The following IQCM variants were observed in gnomAD, a reference collection of about 807,000 sequenced individuals.
The protein encoded by IQCM is IQ motif containing M, also known as IQ domain-containing protein M.
IQCM carries 45 observed loss-of-function variants against 57.6 expected under a neutral mutation model. That is an observed-to-expected ratio of 0.78 (90% CI 0.62 to 1.00). The LOEUF is 1.00. Among genes scored for constraint, IQCM ranks in the 50% least tolerant of loss-of-function variants. The pLI is 0.00. For synonymous variants in IQCM, 148 were observed against 158.9 expected (o/e 0.93, Z 0.51); for missense variants, 468 against 511.6 (o/e 0.91, Z 0.82).
At chr4:149,557,651 C>T (rs1022427900) in intron 10 of IQCM, among the ~76,000 whole-genome samples, 1 of 152,126 alleles carries the variant, frequency 6.6e-6, no homozygotes, top group Non-Finnish European at 1.5e-5. Context: ...TAGTTTATTG[C>T]AACCCCAACT....
At position 149,735,399 on chromosome 4, in the gene IQCM, G is replaced by T. The variant is rs1028385546; in HGVS notation, c.97C>A (p.Gln33Lys). Residue 33 changes from glutamine to lysine, a missense_variant, in exon 4 of 14, where the codon CAA becomes AAA. Gln to Lys is a moderately conservative substitution (Grantham distance 53). Transcript: ENST00000636793. ...ACCTCATTTATTTTCTCATAATGTTGGGCAATGAGAGTTTTTGCTTCTTGA... is the reference window on the plus strand; with the variant it reads ...ACCTCATTTATTTTCTCATAATGTTTGGCAATGAGAGTTTTTGCTTCTTGA... The part of the protein sequence containing the change: ...FFQEAKTLIA[Q>K]HYEKINENKV... 4 of 1,226,988 alleles carry T rather than the reference G, an allele frequency of 3.3e-6. No homozygotes were observed. In the East Asian group the frequency reaches 1.3e-4, roughly 39 times the overall value. 76.0% of individuals were successfully genotyped at this position (1,226,988 alleles called of 1,614,324 possible). A position where few individuals can be genotyped will look rare whatever the true frequency, so the allele number is the denominator to read the frequency against.
intron 12 of IQCM, among the ~76,000 whole-genome samples, chr4:149,452,621 T>C (rs11732726): frequency 1.6e-4 from 25 of 151,670 alleles, no homozygotes; most frequent in Non-Finnish European, 2.5e-4. Flanking sequence ...TAAAAAGCTG[T>C]ACAAAATTAG....
rs554370854 is a variant in IQCM at position 149,480,395 on chromosome 4, A to G, written c.1229-46838T>C. 1.9e-3 allele frequency among the ~76,000 whole-genome samples: 288 copies of G among 152,154 alleles called. 2 individuals carry two copies. Among genetic ancestry groups the G allele is most frequent in the Non-Finnish European group, 3.0e-3 (207 of 67,980 alleles). Reference sequence around the variant, plus strand: ...GTTTTTGTACCCATTAATCATCCCCATCTCCTCCACACCTTCCCATTACCC... The same window carrying G: ...GTTTTTGTACCCATTAATCATCCCCGTCTCCTCCACACCTTCCCATTACCC... On this transcript the variant is annotated intron_variant, in intron 12 of 13. Coordinates refer to ENST00000636793, the MANE Select transcript of IQCM (RefSeq NM_001363507.2).
At chr4:149,650,786 T>G (rs1381034268) in intron 7 of IQCM, among the ~76,000 whole-genome samples, 1 of 152,174 alleles carries the variant, frequency 6.6e-6, no homozygotes, top group African/African-American at 2.4e-5. Context: ...TTTGCGGAAG[T>G]TTTAATACTA....
At chr4:149,383,951 C>A (rs1052645512) in intron 13 of IQCM, among the ~76,000 whole-genome samples, 4 of 151,678 alleles carry the variant, frequency 2.6e-5, no homozygotes, top group African/African-American at 9.7e-5. Flanking sequence ...GAAACTCCAT[C>A]TCAAAAAAAA....
intron 13 of IQCM, among the ~76,000 whole-genome samples, chr4:149,379,014 A>G (rs1730888546): frequency 6.6e-6 from 1 of 152,174 alleles, no homozygotes; most frequent in South Asian, 2.1e-4. Flanking sequence ...AGCTTGGGCC[A>G]TGGCTTCAGA....
intron 9 of IQCM, among the ~76,000 whole-genome samples, chr4:149,587,052 T>C (rs1752711118): frequency 6.6e-6 from 1 of 151,634 alleles, no homozygotes; most frequent in African/African-American, 2.4e-5. Flanking sequence ...TCTCTGTGGT[T>C]TTCTCCTTTT....
intron 13 of IQCM, among the ~76,000 whole-genome samples, chr4:149,357,675 A>G (rs929112993): frequency 6.6e-6 from 1 of 152,160 alleles, no homozygotes; most frequent in Non-Finnish European, 1.5e-5. Context: ...TTTTGCACCA[A>G]TGTTTATCAA....
intron 12 of IQCM, among the ~76,000 whole-genome samples, chr4:149,508,268 G>A (rs369950150): frequency 6.6e-6 from 1 of 151,934 alleles, no homozygotes; most frequent in Non-Finnish European, 1.5e-5. Flanking sequence ...TGAGAGAAGA[G>A]GGCCACCATC....
chr4:149,795,141 A>C (rs531010328), intron 2 of IQCM, among the ~76,000 whole-genome samples: 1 of 152,324 alleles, frequency 6.6e-6, no homozygotes, highest in South Asian at 2.1e-4. Context: ...TTCAGATTGC[A>C]TACTGCAGAA....
At chr4:149,795,888 C>G (rs1038425398) in intron 2 of IQCM, among the ~76,000 whole-genome samples, 6 of 152,204 alleles carry the variant, frequency 3.9e-5, no homozygotes, top group African/African-American at 1.4e-4. Context: ...CACCTGCTAA[C>G]TGTAAGAGCC....
intron 5 of IQCM, among the ~76,000 whole-genome samples, chr4:149,725,067 G>T (rs1053124378): frequency 4.0e-5 from 6 of 151,828 alleles, no homozygotes; most frequent in African/African-American, 1.5e-4. Context: ...CAAAACTATG[G>T]GCATGTATTT....
intron 13 of IQCM, among the ~76,000 whole-genome samples, chr4:149,373,400 T>TTGCCTGTATTTTCTC (rs1730496298): frequency 6.6e-6 from 1 of 152,070 alleles, no homozygotes. Context: ...TATAAGCACT[T>TTGCCTGTATTTTCTC]TGCCTGTATT....
At position 149,361,779 on chromosome 4, in the gene IQCM, G is replaced by A. The variant is rs184171497; in HGVS notation, c.1391-9713C>T. ...AACCTCTGCAAGGACAGTGCAGAAG[G>A]GAAATGTGGGGTTAGAGCCCCCACA... On this transcript the variant is annotated intron_variant, in intron 13 of 13. Coordinates refer to ENST00000636793, the MANE Select transcript of IQCM (RefSeq NM_001363507.2). Among the ~76,000 whole-genome samples the A allele has an allele frequency of 1.6e-4, 24 of 152,348 alleles. No homozygotes were observed. In the East Asian group the frequency reaches 3.1e-3, roughly 20 times the overall value.
At chr4:149,645,493 G>A (rs1758554038) in intron 7 of IQCM, among the ~76,000 whole-genome samples, 1 of 152,144 alleles carries the variant, frequency 6.6e-6, no homozygotes, top group South Asian at 2.1e-4. Context: ...ATAGTGCTTA[G>A]ATTAAGAACC....
chr4:149,520,433 A>G (rs1191185318), intron 12 of IQCM, among the ~76,000 whole-genome samples: 1 of 152,080 alleles, frequency 6.6e-6, no homozygotes, highest in African/African-American at 2.4e-5. Context: ...AATTCTCAAA[A>G]TGTCCTATTT....
chr4:149,646,275 T>C (rs1443164569), intron 7 of IQCM, among the ~76,000 whole-genome samples: 1 of 152,232 alleles, frequency 6.6e-6, no homozygotes, highest in African/African-American at 2.4e-5. Flanking sequence ...TAGATTAATA[T>C]GAATCTTTTC....
intron 7 of IQCM, among the ~76,000 whole-genome samples, chr4:149,651,878 T>C (rs1759213575): frequency 6.6e-6 from 1 of 152,162 alleles, no homozygotes; most frequent in Non-Finnish European, 1.5e-5. Flanking sequence ...TCAACCATTA[T>C]GGAAGACAGT....
At chr4:149,510,368 T>G (rs2149808372) in intron 12 of IQCM, among the ~76,000 whole-genome samples, 1 of 152,318 alleles carries the variant, frequency 6.6e-6, no homozygotes, top group South Asian at 2.1e-4. Flanking sequence ...GTATAGAATT[T>G]AAATATTTAT....
Sources: allele counts gnomAD v4.1 joint callset (sites outside exome capture counted in the v4.1 genomes callset), GRCh38; gene constraint gnomAD v4.1.1; transcripts MANE v1.5; gene names NCBI Gene and HGNC (gene_info 2026-07-23, HGNC 2026-07-21).